Variants in MARCHF4 observed in about 807,000 individuals in gnomAD.
The protein encoded by MARCHF4 is membrane associated ring-CH-type finger 4.
A neutral mutation model predicts 43.9 loss-of-function variants in MARCHF4; 14 were observed. The ratio of observed to expected loss-of-function variants is 0.32; its 90% CI spans 0.21 to 0.50. The LOEUF (loss-of-function observed/expected upper bound fraction) is 0.50, where lower values mean the gene tolerates loss of function less well. Ranked by LOEUF, MARCHF4 falls within the 20% of genes least tolerant of loss-of-function variation. The pLI, the probability that MARCHF4 is intolerant of heterozygous loss-of-function variation, is 0.98. For synonymous variants in MARCHF4, 226 were observed against 213.3 expected (o/e 1.06, Z -0.52); for missense variants, 468 against 536.7 (o/e 0.87, Z 1.27).
At chr2:216,278,778 G>T (rs1404975545) in intron 2 of MARCHF4, among the ~76,000 whole-genome samples, 2 of 152,162 alleles carry the variant, frequency 1.3e-5, no homozygotes, top group Non-Finnish European at 2.9e-5. Context: ...AACAGAAAAA[G>T]CCCTGTGCTT....
At chr2:216,313,621 C>T (rs1691724904) in intron 1 of MARCHF4, among the ~76,000 whole-genome samples, 1 of 152,194 alleles carries the variant, frequency 6.6e-6, no homozygotes, top group African/African-American at 2.4e-5. Flanking sequence ...TCCCTATCTT[C>T]CTCTTTCTGT....
intron 3 of MARCHF4, among the ~76,000 whole-genome samples, chr2:216,274,738 A>G (rs1690994258): frequency 6.6e-6 from 1 of 152,034 alleles, no homozygotes; most frequent in South Asian, 2.1e-4. Context: ...TCCTATGAAA[A>G]CCCTGAACTG....
chr2:216,323,508 A>G (rs1473325420), intron 1 of MARCHF4, among the ~76,000 whole-genome samples: 1 of 152,248 alleles, frequency 6.6e-6, no homozygotes, highest in African/African-American at 2.4e-5. Flanking sequence ...AACAGAATAT[A>G]CATTTTTTTC....
At chr2:216,348,702 T>C (rs1261146437) in intron 1 of MARCHF4, among the ~76,000 whole-genome samples, 1 of 152,220 alleles carries the variant, frequency 6.6e-6, no homozygotes, top group Non-Finnish European at 1.5e-5. Context: ...ATAAACTTGC[T>C]TTCACTTTAC....
chr2:216,296,214 C>A (rs1447934011), intron 1 of MARCHF4, among the ~76,000 whole-genome samples: 2 of 152,106 alleles, frequency 1.3e-5, no homozygotes, highest in African/African-American at 4.8e-5. Context: ...AGCCTGGTGG[C>A]ATGTGCCTGT....
intron 1 of MARCHF4, among the ~76,000 whole-genome samples, chr2:216,313,456 A>T (rs1043805197): frequency 6.6e-6 from 1 of 152,168 alleles, no homozygotes; most frequent in African/African-American, 2.4e-5. Flanking sequence ...AATTAGAAAA[A>T]ATTACTGATA....
intron 1 of MARCHF4, among the ~76,000 whole-genome samples, chr2:216,300,350 G>GTATATATATATATATATATATATATA (rs201683040): frequency 5.2e-5 from 6 of 115,804 alleles, no homozygotes; most frequent in African/African-American, 2.1e-4. Context: ...ATATATATAT[G>GTATATATATATATATATATATATATA]TATATATATA....
intron 1 of MARCHF4, among the ~76,000 whole-genome samples, chr2:216,298,865 A>C (rs1409893889): frequency 6.6e-6 from 1 of 152,192 alleles, no homozygotes; most frequent in Non-Finnish European, 1.5e-5. Flanking sequence ...GTGTTTCCTG[A>C]GAAGACAGTC....
intron 1 of MARCHF4, among the ~76,000 whole-genome samples, chr2:216,286,432 G>A (rs922770946): frequency 2.0e-5 from 3 of 151,884 alleles, no homozygotes; most frequent in East Asian, 3.9e-4. Context: ...CCAGCTACTC[G>A]GGAGGCTGAG....
At chr2:216,284,973 G>A (rs1193553908) in intron 1 of MARCHF4, among the ~76,000 whole-genome samples, 1 of 152,140 alleles carries the variant, frequency 6.6e-6, no homozygotes, top group East Asian at 1.9e-4. Flanking sequence ...CTTATGCTGA[G>A]TGACTTGGGC....
intron 3 of MARCHF4, among the ~76,000 whole-genome samples, chr2:216,268,406 C>A (rs945172456): frequency 6.6e-6 from 1 of 152,176 alleles, no homozygotes; most frequent in African/African-American, 2.4e-5. Context: ...CCCTACATGT[C>A]AAGGGAGGGA....
chr2:216,273,617 C>T (rs1364190004), intron 3 of MARCHF4, among the ~76,000 whole-genome samples: 7 of 152,248 alleles, frequency 4.6e-5, no homozygotes, highest in East Asian at 1.9e-4. Flanking sequence ...TTCACATTCT[C>T]TTCTTCCACT....
rs1691352477 is a variant in MARCHF4, at chr2:216,293,925, GACCTAAAT to G, written c.517-10204_517-10197del. Among the ~76,000 whole-genome samples the G allele has an allele frequency of 9.9e-5, 9 of 90,982 alleles. 1 individual carries two copies. The highest frequency in any genetic ancestry group is 1.6e-4 in the African/African-American group (6 of 36,420). The allele number at this position is 90,982 out of a possible 152,430, so 59.7% of individuals were successfully genotyped here. On this transcript the variant is annotated intron_variant, in intron 1 of 3. Coordinates refer to ENST00000273067, the MANE Select transcript of MARCHF4 (RefSeq NM_020814.3). ...TTATAATCATATCTGTATTTCTAAT[GACCTAAAT>G]GTGTAATATACTGTCCGTTTGTCTT... is the stretch of plus-strand genomic sequence containing the variant.
intron 1 of MARCHF4, chr2:216,318,110 C>T (rs1691812698): frequency 6.6e-6 from 1 of 152,214 alleles, no homozygotes; most frequent in African/African-American, 2.4e-5. Context: ...CAGCAGAAAA[C>T]AGAGTTGCCT....
intron 2 of MARCHF4, among the ~76,000 whole-genome samples, chr2:216,278,380 T>C (rs1027331634): frequency 3.3e-5 from 5 of 152,092 alleles, no homozygotes; most frequent in African/African-American, 9.7e-5. Context: ...CCCAACACCA[T>C]GCGTGGCTAA....
chr2:216,297,030 G>T (rs148741914), intron 1 of MARCHF4, among the ~76,000 whole-genome samples: 2 of 152,140 alleles, frequency 1.3e-5, no homozygotes, highest in East Asian at 1.9e-4. Context: ...TCAAGGAAAC[G>T]TACTATTCCT....
At chr2:216,364,926 A>T (rs1235816914) in intron 1 of MARCHF4, among the ~76,000 whole-genome samples, 3 of 152,198 alleles carry the variant, frequency 2.0e-5, no homozygotes, top group Non-Finnish European at 4.4e-5. Flanking sequence ...ATTTTGTTTA[A>T]CAGTTTGTTA....
At chr2:216,354,498 A>G (rs915520419) in intron 1 of MARCHF4, among the ~76,000 whole-genome samples, 4 of 152,022 alleles carry the variant, frequency 2.6e-5, no homozygotes, top group African/African-American at 9.7e-5. Flanking sequence ...GGCACTCATT[A>G]TGTTTTGTGG....
At chr2:216,361,930 T>C (rs1439662657) in intron 1 of MARCHF4, among the ~76,000 whole-genome samples, 1 of 152,208 alleles carries the variant, frequency 6.6e-6, no homozygotes, top group Non-Finnish European at 1.5e-5. Context: ...AGATCTTTAA[T>C]GCATCATGTC....
Sources: allele counts gnomAD v4.1 joint callset (sites outside exome capture counted in the v4.1 genomes callset), GRCh38; gene constraint gnomAD v4.1.1; transcripts MANE v1.5; gene names NCBI Gene and HGNC (gene_info 2026-07-23, HGNC 2026-07-21).